The following SLC2A9 variants were observed in gnomAD, a reference collection of about 807,000 sequenced individuals.
SLC2A9 encodes the protein solute carrier family 2, facilitated glucose transporter member 9.
In SLC2A9, 39 loss-of-function variants were observed where a neutral mutation model predicts 50.6. The ratio of observed to expected loss-of-function variants is 0.77; its 90% CI spans 0.60 to 1.01. SLC2A9 has a LOEUF of 1.01. SLC2A9 is among the 50% of genes least tolerant of loss of function. The probability of loss-of-function intolerance (pLI) is 0.00; values close to 1 mark genes in which losing one functional copy is unlikely to be tolerated. For missense variants in SLC2A9, 686 were observed against 677.6 expected (o/e 1.01, Z -0.14); for synonymous variants, 324 against 276.9 (o/e 1.17, Z -1.69).
intron 6 of SLC2A9, among the ~76,000 whole-genome samples, chr4:9,920,898 G>T (rs1743816465): frequency 6.6e-6 from 1 of 152,220 alleles, no homozygotes; most frequent in Non-Finnish European, 1.5e-5. Flanking sequence ...TTGTGTCCCT[G>T]TTCATCTTTT....
At chr4:9,984,620 T>G (rs1756407394) in intron 4 of SLC2A9, among the ~76,000 whole-genome samples, 1 of 152,248 alleles carries the variant, frequency 6.6e-6, no homozygotes, top group Non-Finnish European at 1.5e-5. Flanking sequence ...CACAAATGCC[T>G]AAAAGTGATA....
chr4:9,798,913 A>G (rs1720946212), downstream of SLC2A9: 1 of 152,200 alleles, frequency 6.6e-6, no homozygotes, highest in African/African-American at 2.4e-5. Context: ...TAAAGTGTAG[A>G]AGTTGCCTGG....
At chr4:9,880,058 GA>G in intron 10 of SLC2A9, 1 of 985,454 alleles carries the variant, frequency 1.0e-6, no homozygotes, top group Non-Finnish European at 1.2e-6. Flanking sequence ...GCAGGCCCAT[GA>G]GTCTCTCTGC....
At chr4:9,929,585 C>T (rs73804458) in intron 6 of SLC2A9, among the ~76,000 whole-genome samples, 152 of 152,298 alleles carry the variant, frequency 1.0e-3, no homozygotes, top group African/African-American at 3.5e-3. Flanking sequence ...TTGGCCCATA[C>T]CTGAGCCCAC....
At chr4:9,898,039 A>G (rs368296198) in intron 8 of SLC2A9, among the ~76,000 whole-genome samples, 18 of 152,352 alleles carry the variant, frequency 1.2e-4, no homozygotes, top group African/African-American at 4.3e-4. Context: ...GAGGCACGGG[A>G]CATTCTCCCT....
intron 6 of SLC2A9, among the ~76,000 whole-genome samples, chr4:9,921,331 C>T (rs113674589): frequency 0.018 from 2,709 of 152,190 alleles, 31 homozygotes; most frequent in Middle Eastern, 0.054. Flanking sequence ...CTTAATTGTG[C>T]AAACCTCTAT....
chr4:9,845,217 G>C (rs1728763084), intron 10 of SLC2A9, among the ~76,000 whole-genome samples: 1 of 151,862 alleles, frequency 6.6e-6, no homozygotes, highest in Admixed American at 6.6e-5. Flanking sequence ...GTTTCACCGT[G>C]TTAGCCAGGA....
At chr4:9,874,652 G>A (rs62293275) in intron 10 of SLC2A9, among the ~76,000 whole-genome samples, 18,483 of 152,266 alleles carry the variant, frequency 0.12, 1,318 homozygotes, top group African/African-American at 0.17. Context: ...TGACTGTTTT[G>A]CTTGTGAGTT....
chr4:9,846,790 C>T (rs1729066898), intron 10 of SLC2A9, among the ~76,000 whole-genome samples: 1 of 152,042 alleles, frequency 6.6e-6, no homozygotes, highest in African/African-American at 2.4e-5. Context: ...AAGTGCACAC[C>T]CAAACTTTTC....
chr4:9,783,064 C>A (rs1234369542), intron 3 of SLC2A9: 3 of 1,614,130 alleles, frequency 1.9e-6, no homozygotes, highest in Non-Finnish European at 2.5e-6. Flanking sequence ...ACGTCTTCGT[C>A]TGGTTCGGCT....
At chr4:9,777,118 T>A (rs1383303294), downstream of SLC2A9, among the ~76,000 whole-genome samples, 4 of 152,200 alleles carry the variant, frequency 2.6e-5, no homozygotes, top group African/African-American at 9.6e-5. Flanking sequence ...TTTGAAATTG[T>A]TTATTTCTCT....
chr4:9,930,137 C>T (rs538847207), intron 6 of SLC2A9, among the ~76,000 whole-genome samples: 1 of 152,294 alleles, frequency 6.6e-6, no homozygotes, highest in East Asian at 1.9e-4. Flanking sequence ...TCTCTCCCCT[C>T]CCCTCTCCTT....
intron 3 of SLC2A9, chr4:9,782,402 A>C: frequency 6.2e-7 from 1 of 1,613,942 alleles, no homozygotes; most frequent in Non-Finnish European, 8.5e-7. Flanking sequence ...CATGTGCTCC[A>C]CTGCCTCCAT....
intron 3 of SLC2A9, among the ~76,000 whole-genome samples, chr4:9,818,709 C>T (rs751847266): frequency 3.3e-5 from 5 of 152,206 alleles, no homozygotes; most frequent in South Asian, 2.1e-4. Flanking sequence ...GTCCCTGTCA[C>T]GATTATTATT....
At chr4:9,887,225 G>T (rs9993652) in intron 10 of SLC2A9, among the ~76,000 whole-genome samples, 167 of 152,160 alleles carry the variant, frequency 1.1e-3, no homozygotes, top group African/African-American at 3.9e-3. Context: ...CACCATAGAC[G>T]GTAACTGCTT....
intron 3 of SLC2A9, among the ~76,000 whole-genome samples, chr4:9,991,374 T>A (rs114663735): frequency 6.6e-6 from 1 of 152,180 alleles, no homozygotes; most frequent in Admixed American, 6.5e-5. Flanking sequence ...CTAAACTATG[T>A]TCCTGCCCCC....
At chr4:9,900,097 C>T (rs1412419573) in intron 8 of SLC2A9, among the ~76,000 whole-genome samples, 6 of 152,218 alleles carry the variant, frequency 3.9e-5, no homozygotes, top group Non-Finnish European at 8.8e-5. Context: ...GAGAAAGAGA[C>T]ACTGGATGTC....
downstream of SLC2A9, among the ~76,000 whole-genome samples, chr4:9,778,053 TTTCCTTCCTTCC>T (rs1163039690): frequency 0.015 from 210 of 14,010 alleles, 1 homozygote; most frequent in African/African-American, 0.038. Flanking sequence ...TCTTTCTTTC[TTTCCTTCCTTCC>T]TTCCTTCCTT....
rs575125939 is a variant in SLC2A9, at chr4:10,032,442, T to C, written c.-40-6436A>G. 2.6e-5 allele frequency among the ~76,000 whole-genome samples: 4 copies of C among 152,042 alleles called. No individual in the cohort carries two copies. The South Asian group carries it at 8.3e-4, about 32-fold the overall frequency. On this transcript the variant is annotated intron_variant, in intron 1 of 12. Transcript: ENST00000309065. ...ATGTGGGACTGCAGCCTAAGAGCCA[T>C]GGGAAATCTAGATGGTTTCTATATT...
Sources: gnomAD v4.1 joint callset for allele counts (sites outside exome capture counted in the v4.1 genomes callset) on GRCh38, gnomAD v4.1.1 for gene constraint, MANE v1.5 for transcripts, NCBI Gene and HGNC (gene_info 2026-07-23, HGNC 2026-07-21) for gene names.